Variants in ARHGEF33 observed in about 807,000 individuals in gnomAD.
ARHGEF33 encodes the protein Rho guanine nucleotide exchange factor 33.
In ARHGEF33, 72 loss-of-function variants were observed where a neutral mutation model predicts 101.9. The observed-to-expected ratio is 0.71, with a 90% CI of 0.58 to 0.86. The LOEUF is 0.86. Ranked by LOEUF, ARHGEF33 falls within the 40% of genes least tolerant of loss-of-function variation. ARHGEF33 has a pLI of 0.00. For synonymous variants in ARHGEF33, 499 were observed against 442.5 expected, an observed-to-expected ratio of 1.13 and a Z score of -1.60; for missense variants, 1,169 against 1,111.3, an observed-to-expected ratio of 1.05 and a Z score of -0.74.
chr2:38,960,515 C>T lies in ARHGEF33; in HGVS notation c.2210C>T (p.Pro737Leu), dbSNP rs1231352720. ...CGCAGCAGCAGCGGCGGCCGCGCGC[C>T]CATCAAGGCCGAGCGCGCCGCGCAG... is the stretch of plus-strand genomic sequence containing the variant. ...STRSSSGGRAPIKAERAAQAH... is the reference protein window; with the variant it reads ...STRSSSGGRALIKAERAAQAH... The change falls in exon 16 of 18, where the codon CCC becomes CTC. Residue 737 changes from proline to leucine, a missense_variant. Transcript: ENST00000409978. 6 of 1,267,920 alleles carry T rather than the reference C, an allele frequency of 4.7e-6. No individual in the cohort carries two copies. Among genetic ancestry groups the T allele is most frequent in the Non-Finnish European group, 6.0e-6 (6 of 1,002,308 alleles). 78.5% of individuals were successfully genotyped at this position (1,267,920 alleles called of 1,614,324 possible).
intron 4 of ARHGEF33, 118 bp downstream of exon 4, chr2:38,921,541 T>C (rs916582836): frequency 1.4e-6 from 1 of 721,790 alleles, no homozygotes; most frequent in African/African-American, 1.7e-5. Flanking sequence ...TTGCACTTGT[T>C]CTCTTAACAG....
chr2:38,930,488 T>C (rs1666973215), intron 6 of ARHGEF33, among the ~76,000 whole-genome samples: 1 of 151,772 alleles, frequency 6.6e-6, no homozygotes, highest in Admixed American at 6.6e-5. Flanking sequence ...GCTGGGACTA[T>C]AGGTGTGGCC....
At chr2:38,921,576 G>T (rs1004838120) in intron 4 of ARHGEF33, among the ~76,000 whole-genome samples, 153 bp downstream of exon 4, 3 of 152,116 alleles carry the variant, frequency 2.0e-5, no homozygotes, top group African/African-American at 4.8e-5. Context: ...CACCTCAGTG[G>T]GTCCCGCCAC....
intron 3 of ARHGEF33, among the ~76,000 whole-genome samples, chr2:38,920,375 G>GTTTCT (rs886543213): frequency 2.2e-5 from 3 of 138,114 alleles, no homozygotes; most frequent in Admixed American, 7.2e-5. Context: ...GTTGTGAATG[G>GTTTCT]TTTCTTTTCT....
intron 2 of ARHGEF33, among the ~76,000 whole-genome samples, chr2:38,916,242 G>T (rs1666631777): frequency 6.6e-6 from 1 of 152,122 alleles, no homozygotes. Flanking sequence ...ATATGGCTTT[G>T]CATATTTAAA....
In ARHGEF33 at chr2:38,960,546, C is replaced by T. The variant is rs1267126425; in HGVS notation, c.2241C>T (p.His747=). 1.0e-4 allele frequency: 128 copies of T among 1,255,558 alleles called. No homozygotes were observed. The highest frequency in any genetic ancestry group is 1.2e-4 in the Non-Finnish European group (120 of 990,898). 77.8% of individuals were successfully genotyped at this position (1,255,558 alleles called of 1,614,324 possible). Residue 747 remains histidine (H), a synonymous_variant, in exon 16 of 18, where the codon CAC becomes CAT. Transcript: ENST00000409978. ...PIKAERAAQA[H]GPAAAAVAAR... is the part of the protein sequence containing the mutation. The stretch of plus-strand genomic sequence containing the variant: ...AGGCCGAGCGCGCCGCGCAGGCGCA[C>T]GGCCCGGCCGCCGCCGCCGTCGCCG...
At chr2:38,961,609 A>C (rs1321024292) in intron 16 of ARHGEF33, among the ~76,000 whole-genome samples, 3 of 152,190 alleles carry the variant, frequency 2.0e-5, no homozygotes, top group Non-Finnish European at 4.4e-5. Flanking sequence ...TTTCTCATTC[A>C]TTAATTTTTC....
At chr2:38,910,419 A>G (rs1666483993) in intron 2 of ARHGEF33, among the ~76,000 whole-genome samples, 1 of 152,122 alleles carries the variant, frequency 6.6e-6, no homozygotes, top group Admixed American at 6.5e-5. Context: ...AAAATACAAA[A>G]GAAATTAGCT....
intron 16 of ARHGEF33, among the ~76,000 whole-genome samples, chr2:38,963,900 C>T (rs1007183560): frequency 3.9e-5 from 6 of 151,996 alleles, no homozygotes; most frequent in Non-Finnish European, 8.8e-5. Flanking sequence ...CCACAGACTG[C>T]GGAGGGGGAG....
intron 17 of ARHGEF33, among the ~76,000 whole-genome samples, chr2:38,970,716 C>A (rs1384018367): frequency 3.3e-5 from 5 of 152,150 alleles, no homozygotes; most frequent in African/African-American, 9.7e-5. Flanking sequence ...ACTATTGATA[C>A]AAGGTATAGT....
At chr2:38,905,621 G>T (rs575283251) in intron 2 of ARHGEF33, among the ~76,000 whole-genome samples, 5 of 152,336 alleles carry the variant, frequency 3.3e-5, no homozygotes, top group Admixed American at 3.3e-4. Flanking sequence ...GTATGGGCCA[G>T]CAGGTGCCCT....
intron 11 of ARHGEF33, among the ~76,000 whole-genome samples, chr2:38,952,703 A>C (rs1558440762): frequency 2.8e-5 from 4 of 145,134 alleles, no homozygotes; most frequent in African/African-American, 1.0e-4. Flanking sequence ...TTTAAGATAC[A>C]TTTTTTTTTT....
intron 17 of ARHGEF33, chr2:38,972,094 CAAG>C: frequency 1.6e-6 from 1 of 639,386 alleles, no homozygotes; most frequent in Non-Finnish European, 2.9e-6. Flanking sequence ...TGTGGGGGAA[CAAG>C]AAGAAATAGC....
intron 9 of ARHGEF33, among the ~76,000 whole-genome samples, chr2:38,938,005 G>A (rs1459302400): frequency 6.6e-6 from 1 of 151,992 alleles, no homozygotes; most frequent in South Asian, 2.1e-4. Context: ...TCAGACAATG[G>A]CATTTCCCCC....
At chr2:38,893,266 A>T (rs1303824443) in intron 1 of ARHGEF33, among the ~76,000 whole-genome samples, 1 of 151,418 alleles carries the variant, frequency 6.6e-6, no homozygotes, top group African/African-American at 2.4e-5. Context: ...GGGTTCAAGC[A>T]ATTCTCCTGC....
intron 1 of ARHGEF33, among the ~76,000 whole-genome samples, chr2:38,894,209 T>C (rs1195731849): frequency 6.6e-6 from 1 of 151,976 alleles, no homozygotes; most frequent in Non-Finnish European, 1.5e-5. Flanking sequence ...GGCATGCACC[T>C]GTAGTTCCAG....
At chr2:38,944,178 CA>C in intron 10 of ARHGEF33, 148 bp downstream of exon 10, 1 of 790,414 alleles carries the variant, frequency 1.3e-6, no homozygotes, top group Non-Finnish European at 1.9e-6. Context: ...GCAGATGTCT[CA>C]GTTCACTTTG....
intron 10 of ARHGEF33, among the ~76,000 whole-genome samples, chr2:38,949,500 A>C: frequency 6.7e-6 from 1 of 150,012 alleles, no homozygotes; most frequent in African/African-American, 2.5e-5. Context: ...TCTCCTCTCC[A>C]CCCCACCCTT....
At chr2:38,957,504 T>C (rs928751971) in intron 14 of ARHGEF33, among the ~76,000 whole-genome samples, 2 of 152,056 alleles carry the variant, frequency 1.3e-5, no homozygotes, top group Admixed American at 1.3e-4. Flanking sequence ...CTTTTTAGAG[T>C]TGGACAGTGA....
Sources: gnomAD v4.1 joint callset for allele counts (sites outside exome capture counted in the v4.1 genomes callset) on GRCh38, gnomAD v4.1.1 for gene constraint, MANE v1.5 for transcripts, NCBI Gene and HGNC (gene_info 2026-07-23, HGNC 2026-07-21) for gene names.